ZNF226: variants seen among roughly 807,000 people sequenced by gnomAD.
ZNF226 encodes zinc finger protein 226.
A neutral mutation model predicts 11.4 loss-of-function variants in ZNF226; 6 were observed. The ratio of observed to expected loss-of-function variants is 0.53; its 90% CI spans 0.29 to 1.04. The LOEUF (loss-of-function observed/expected upper bound fraction) is 1.04. ZNF226 is among the 50% of genes least tolerant of loss of function. ZNF226 has a pLI of 0.08. For synonymous variants in ZNF226, 350 were observed against 322.8 expected (o/e 1.08, Z -0.90); for missense variants, 1,058 against 956.5 (o/e 1.11, Z -1.40).
At chr19:44,187,941 TC>T in the ZNF226 span, among the ~76,000 whole-genome samples, 2 of 152,170 alleles carry the variant, frequency 1.3e-5, no homozygotes, top group Non-Finnish European at 2.9e-5. The surrounding 1 kb of genome is among the most constrained non-coding windows in gnomAD (Gnocchi z 4.0). Flanking sequence ...TTTCTTGTTT[TC>T]CTTCTACTAT....
the ZNF226 span, among the ~76,000 whole-genome samples, chr19:44,188,349 C>T: frequency 7.9e-5 from 12 of 152,284 alleles, no homozygotes; most frequent in African/African-American, 2.9e-4. Flanking sequence ...TCTGCAGGTT[C>T]TGCATCCACA....
downstream of ZNF226, among the ~76,000 whole-genome samples, chr19:44,182,149 G>C (rs1970914822): frequency 6.6e-6 from 1 of 152,100 alleles, no homozygotes; most frequent in Non-Finnish European, 1.5e-5. Flanking sequence ...ATGAAACTTG[G>C]ATGCAAAAAC....
chr19:44,170,139 A>G (rs1969908696), intron 3 of ZNF226, 44 bp downstream of exon 3: 3 of 1,600,810 alleles, frequency 1.9e-6, no homozygotes, highest in East Asian at 2.2e-5. Context: ...ATACCATTTT[A>G]GTACTCAGAG....
chr19:44,180,101 A>AAC (rs1970884626), downstream of ZNF226, among the ~76,000 whole-genome samples: 1 of 150,722 alleles, frequency 6.6e-6, no homozygotes, highest in South Asian at 2.1e-4. Flanking sequence ...AAAAAAAAAA[A>AAC]AAAAAAAAAA....
At chr19:44,197,622 A>T in the ZNF226 span, among the ~76,000 whole-genome samples, 2 of 152,196 alleles carry the variant, frequency 1.3e-5, no homozygotes, top group Non-Finnish European at 1.5e-5. Flanking sequence ...TGACTAATGA[A>T]GTTGAGCAAA....
chr19:44,195,828 A>G, the ZNF226 span, among the ~76,000 whole-genome samples: 1 of 152,294 alleles, frequency 6.6e-6, no homozygotes, highest in Non-Finnish European at 1.5e-5. Context: ...CTTTTAGTCC[A>G]TACATTTGAC....
At chr19:44,192,504 A>G in the ZNF226 span, among the ~76,000 whole-genome samples, 1 of 151,886 alleles carries the variant, frequency 6.6e-6, no homozygotes, top group East Asian at 1.9e-4. Context: ...AGATGTAAAA[A>G]AAACAAACCT....
At position 44,177,227 on chromosome 19, in the gene ZNF226, T is replaced by G; in HGVS notation, c.1965T>G (p.Ser655Arg). ...CEECGKSFGRSAHLQAHQKVH... is the reference protein window; with the variant it reads ...CEECGKSFGRRAHLQAHQKVH... ...AATGTGGGAAGAGTTTCGGTCGGAG[T>G]GCACATCTTCAAGCCCATCAAAAAG... Residue 655 changes from serine (S) to arginine (R), a missense_variant, in exon 6 of 6, where the codon AGT (serine) becomes AGG (arginine). Ser to Arg is a moderately radical substitution (Grantham distance 110). Coordinates refer to ENST00000337433, the MANE Select transcript of ZNF226 (RefSeq NM_001032373.2). 2 of 1,612,946 alleles carry G rather than the reference T, an allele frequency of 1.2e-6. No individual in the cohort carries two copies. Among genetic ancestry groups the G allele is most frequent in the Non-Finnish European group, 1.7e-6 (2 of 1,179,770 alleles).
At chr19:44,193,875 A>G in the ZNF226 span, among the ~76,000 whole-genome samples, 2 of 152,230 alleles carry the variant, frequency 1.3e-5, no homozygotes, top group Non-Finnish European at 2.9e-5. Context: ...ATGAGAAAGG[A>G]CCATAAATTT....
chr19:44,189,876 A>G, the ZNF226 span, among the ~76,000 whole-genome samples: 1 of 152,212 alleles, frequency 6.6e-6, no homozygotes, highest in Non-Finnish European at 1.5e-5. Context: ...AACTTTCTGC[A>G]TGACCCACAA....
At chr19:44,172,659 A>G in intron 4 of ZNF226, 3 of 551,272 alleles carry the variant, frequency 5.4e-6, no homozygotes, top group Non-Finnish European at 9.6e-6. Flanking sequence ...AGGTTATTCA[A>G]ACTTGGTTTT....
intron 2 of ZNF226, 44 bp from the exon 3 acceptor site, chr19:44,169,991 A>C: frequency 7.1e-7 from 1 of 1,415,524 alleles, no homozygotes; most frequent in South Asian, 1.4e-5. Context: ...GTGCATTAGC[A>C]ACATACTTAC....
At chr19:44,185,145 C>T in the ZNF226 span, among the ~76,000 whole-genome samples, 9 of 152,222 alleles carry the variant, frequency 5.9e-5, no homozygotes, top group African/African-American at 9.6e-5. Context: ...GTGTACAGCA[C>T]ATTTTCTTTA....
downstream of ZNF226, among the ~76,000 whole-genome samples, chr19:44,180,958 T>C (rs1054813271): frequency 6.6e-5 from 10 of 152,286 alleles, no homozygotes; most frequent in Non-Finnish European, 1.3e-4. Flanking sequence ...GGAGGTGCTC[T>C]TTCATTTGTA....
rs1332650135 is a variant in ZNF226 at position 44,170,074 on chromosome 19, A to G, written c.-7A>G. The G allele has an allele frequency of 6.2e-7, 1 of 1,612,216 alleles. No homozygotes were observed. Among genetic ancestry groups the G allele is most frequent in the East Asian group, 2.2e-5 (1 of 44,876 alleles). ...ACTCTGCACTTCCCCAGAAGGAAGA[A>G]TTAAAAATGAATATGTTCAAGGTGA... On this transcript the variant is annotated 5_prime_UTR_variant, in exon 3 of 6. Coordinates refer to ENST00000337433, the MANE Select transcript of ZNF226 (RefSeq NM_001032373.2).
At chr19:44,183,613 G>A in the ZNF226 span, among the ~76,000 whole-genome samples, 14 of 152,218 alleles carry the variant, frequency 9.2e-5, no homozygotes, top group African/African-American at 1.7e-4. Flanking sequence ...GGTGACAGAT[G>A]TTGCAGCCAG....
chr19:44,165,438 G>A (rs1216911426), intron 1 of ZNF226: 1 of 152,118 alleles, frequency 6.6e-6, no homozygotes, highest in African/African-American at 2.4e-5. Context: ...CATTGAGCGA[G>A]TTAGTTAATC....
intron 5 of ZNF226, chr19:44,174,249 A>G (rs952473481): frequency 1.3e-5 from 2 of 152,154 alleles, no homozygotes; most frequent in Admixed American, 1.3e-4. Flanking sequence ...ACTGAATAAC[A>G]TGCTTTGTTT....
At position 44,176,555 on chromosome 19, in the gene ZNF226, C is replaced by T. The variant is rs1392843304; in HGVS notation, c.1293C>T (p.Ser431=). Reference sequence around the variant, plus strand: ...AGTGTGGTAAGGGCTTCATTTGTAGCTCAAATCTTTACATTCATCAGAGAG... The same window carrying T: ...AGTGTGGTAAGGGCTTCATTTGTAGTTCAAATCTTTACATTCATCAGAGAG... The part of the protein sequence containing the change: ...CEECGKGFIC[S]SNLYIHQRVH... The change falls in exon 6 of 6, where the codon AGC becomes AGT. Residue 431 remains serine, a synonymous_variant. Coordinates refer to ENST00000337433, the MANE Select transcript of ZNF226 (RefSeq NM_001032373.2). 1.2e-6 allele frequency: 2 copies of T among 1,613,932 alleles called. No homozygotes were observed. Among genetic ancestry groups the T allele is most frequent in the South Asian group, 1.1e-5 (1 of 91,078 alleles).
Sources: gnomAD v4.1 joint callset for allele counts (sites outside exome capture counted in the v4.1 genomes callset) on GRCh38, gnomAD v4.1.1 for gene constraint, Gnocchi (gnomAD v3.1) non-coding constraint, MANE v1.5 for transcripts, NCBI Gene and HGNC (gene_info 2026-07-23, HGNC 2026-07-21) for gene names.